Variants in SCD5 observed in about 807,000 individuals in gnomAD.
SCD5 encodes stearoyl-CoA desaturase 5.
In SCD5, 20 loss-of-function variants were observed where a neutral mutation model predicts 30.4. The ratio of observed to expected loss-of-function variants is 0.66; its 90% CI spans 0.46 to 0.96. The LOEUF (loss-of-function observed/expected upper bound fraction) is 0.96, where lower values mean the gene tolerates loss of function less well. SCD5 is among the 40% of genes least tolerant of loss of function. The pLI is 0.00. For missense variants in SCD5, 381 were observed against 443.3 expected (o/e 0.86, Z 1.26); for synonymous variants, 173 against 176.4 (o/e 0.98, Z 0.16).
At chr4:82,788,044 A>G (rs576787210) in intron 1 of SCD5, among the ~76,000 whole-genome samples, 5 of 152,206 alleles carry the variant, frequency 3.3e-5, no homozygotes, top group Non-Finnish European at 7.4e-5. Flanking sequence ...CAGACAATCA[A>G]TCAATCAATC....
chr4:82,771,742 A>C (rs1193187221), intron 1 of SCD5, among the ~76,000 whole-genome samples: 3 of 152,200 alleles, frequency 2.0e-5, no homozygotes, highest in African/African-American at 7.2e-5. Context: ...TAAATCCTTC[A>C]GGGACAAAAG....
At chr4:82,760,958 G>T (rs1721351608) in intron 1 of SCD5, among the ~76,000 whole-genome samples, 1 of 152,216 alleles carries the variant, frequency 6.6e-6, no homozygotes, top group African/African-American at 2.4e-5. Context: ...AAAATAAGCA[G>T]CTTGCCATTG....
At chr4:82,679,288 G>A (rs531982586) in intron 3 of SCD5, among the ~76,000 whole-genome samples, 2,947 of 138,450 alleles carry the variant, frequency 0.021, 152 homozygotes, top group Admixed American at 0.094. Context: ...AAGAAGGAAG[G>A]AAAGAAAGAA....
intron 4 of SCD5, among the ~76,000 whole-genome samples, chr4:82,635,896 C>T (rs1288973938): frequency 6.6e-6 from 1 of 152,138 alleles, no homozygotes; most frequent in East Asian, 1.9e-4. Flanking sequence ...CATTCCTTCC[C>T]ATGTCTTTGT....
At chr4:82,714,639 G>A (rs549502576) in intron 1 of SCD5, among the ~76,000 whole-genome samples, 5 of 152,254 alleles carry the variant, frequency 3.3e-5, no homozygotes, top group African/African-American at 9.6e-5. Flanking sequence ...CAGGCAAGGA[G>A]CCAGGTCTGG....
At chr4:82,729,942 C>T (rs1233097014) in intron 1 of SCD5, among the ~76,000 whole-genome samples, 1 of 152,116 alleles carries the variant, frequency 6.6e-6, no homozygotes, top group African/African-American at 2.4e-5. Flanking sequence ...CAACTTGCTG[C>T]CTTAGAAACT....
intron 3 of SCD5, among the ~76,000 whole-genome samples, chr4:82,652,538 A>G (rs1050245680): frequency 6.6e-6 from 1 of 152,198 alleles, no homozygotes; most frequent in Non-Finnish European, 1.5e-5. Context: ...TTACTAAGTC[A>G]ACTTCTCAGA....
chr4:82,764,213 T>C (rs80344895), intron 1 of SCD5, among the ~76,000 whole-genome samples: 2,194 of 151,904 alleles, frequency 0.014, 23 homozygotes, highest in Non-Finnish European at 0.019. Context: ...ACGAGCCACA[T>C]TTCAAGTGCT....
chr4:82,705,413 G>A lies in SCD5; in HGVS notation c.233C>T (p.Ala78Val). The A allele has an allele frequency of 4.3e-6, 7 of 1,614,178 alleles. No individual in the cohort carries two copies. The highest frequency in any genetic ancestry group is 4.2e-6 in the Non-Finnish European group (5 of 1,180,008). The stretch of plus-strand genomic sequence containing the variant: ...AGCGGCCAGGAGGAAGCAGAAGTAG[G>A]CTGCAAGACACAAGCAGGGACAACG... ...PKAKPLTLLW[A>V]YFCFLLAALG... The change falls in exon 2 of 5, where the codon GCC becomes GTC. Residue 78 changes from alanine (A) to valine (V), a missense_variant and splice_region_variant. Coordinates refer to ENST00000319540, the MANE Select transcript of SCD5 (RefSeq NM_001037582.3).
chr4:82,704,726 C>T lies in SCD5; in HGVS notation c.363+557G>A, dbSNP rs532684710. 1.6e-4 allele frequency among the ~76,000 whole-genome samples: 25 copies of T among 152,346 alleles called. No individual in the cohort carries two copies. The South Asian group carries it at 3.9e-3, about 24-fold the overall frequency. ...GTCTTCAAACTTCAGATGGAATAGT[C>T]TTTCCACCATGACCTCGCAGGGCAA... On this transcript the variant is annotated intron_variant, in intron 2 of 4. Coordinates refer to ENST00000319540, the MANE Select transcript of SCD5 (RefSeq NM_001037582.3).
Position 82,702,130 on chromosome 4 carries a change from C to CT in SCD5, c.363+3152dup, listed in dbSNP as rs10701664. ...TCAGGCATTCCTGCCCCATCATCATCTTTTTTTTTTTTTTTTTTTTTTTTT... is the reference window on the plus strand; with the variant it reads ...TCAGGCATTCCTGCCCCATCATCATCTTTTTTTTTTTTTTTTTTTTTTTTTT... On this transcript the variant is annotated intron_variant, in intron 2 of 4. Coordinates refer to ENST00000319540, the MANE Select transcript of SCD5 (RefSeq NM_001037582.3). Among the ~76,000 whole-genome samples the CT allele has an allele frequency of 1.5e-3, 94 of 64,092 alleles. 4 individuals carry two copies. Among genetic ancestry groups the CT allele is most frequent in the Non-Finnish European group, 1.6e-3 (58 of 36,308 alleles). 42.0% of individuals were successfully genotyped at this position (64,092 alleles called of 152,430 possible). A position where few individuals can be genotyped will look rare whatever the true frequency, so the allele number is the denominator to read the frequency against.
intron 3 of SCD5, among the ~76,000 whole-genome samples, chr4:82,657,947 TATCCTGAAAC>T (rs1281235387): frequency 5.3e-5 from 8 of 152,246 alleles, no homozygotes; most frequent in African/African-American, 1.9e-4. Context: ...ATTGATTTTG[TATCCTGAAAC>T]ATCGCTGAAG....
At position 82,752,092 on chromosome 4, in the gene SCD5, A is replaced by G. The variant is rs913632721; in HGVS notation, c.232+46214T>C. ...CTGCTTTAAAGCAAAAGAAATCCCC[A>G]TAAGTCTGTGGGCAGGAGAATCACC... On this transcript the variant is annotated intron_variant, in intron 1 of 4. Coordinates refer to ENST00000319540, the MANE Select transcript of SCD5 (RefSeq NM_001037582.3). Among the ~76,000 whole-genome samples the G allele has an allele frequency of 1.1e-4, 16 of 152,294 alleles. No homozygotes were observed. In the South Asian group the frequency reaches 3.1e-3, roughly 30 times the overall value.
intron 1 of SCD5, among the ~76,000 whole-genome samples, chr4:82,794,817 T>C (rs2148855364): frequency 6.6e-6 from 1 of 152,148 alleles, no homozygotes; most frequent in East Asian, 1.9e-4. Context: ...GCCCGGCTAA[T>C]TTTTGTATTT....
intron 1 of SCD5, among the ~76,000 whole-genome samples, chr4:82,788,163 C>A (rs972377941): frequency 6.6e-6 from 1 of 152,210 alleles, no homozygotes; most frequent in Non-Finnish European, 1.5e-5. Flanking sequence ...CCTTACCAGA[C>A]GCCAATCTAC....
chr4:82,669,941 C>T (rs1434176817), intron 3 of SCD5, among the ~76,000 whole-genome samples: 1 of 152,078 alleles, frequency 6.6e-6, no homozygotes, highest in Admixed American at 6.6e-5. Flanking sequence ...CTAAGAAACA[C>T]TTGTGGAGTC....
intron 2 of SCD5, chr4:82,692,011 ACT>A (rs1719529445): frequency 6.6e-6 from 1 of 150,762 alleles, no homozygotes; most frequent in Non-Finnish European, 1.5e-5. Flanking sequence ...TGATGGTGAA[ACT>A]CTGCCCTGAG....
chr4:82,762,089 G>T lies in SCD5; in HGVS notation c.232+36217C>A, dbSNP rs138042688. 1.5e-3 allele frequency among the ~76,000 whole-genome samples: 233 copies of T among 151,128 alleles called. 1 individual carries two copies. The highest frequency in any genetic ancestry group is 2.9e-3 in the Non-Finnish European group (196 of 67,752). ...CATGGGGGACAGAAGTGAGAGGATCGCTTGAGCCCAGGGAGTAGAGGCTGC... is the reference window on the plus strand; with the variant it reads ...CATGGGGGACAGAAGTGAGAGGATCTCTTGAGCCCAGGGAGTAGAGGCTGC... On this transcript the variant is annotated intron_variant, in intron 1 of 4. Transcript: ENST00000319540.
intron 1 of SCD5, among the ~76,000 whole-genome samples, chr4:82,763,761 CTG>C (rs1173843261): frequency 6.6e-6 from 1 of 152,244 alleles, no homozygotes; most frequent in Non-Finnish European, 1.5e-5. Flanking sequence ...GCCTCCAGAA[CTG>C]TGAGACACAT....
Sources: gnomAD v4.1 joint callset for allele counts (sites outside exome capture counted in the v4.1 genomes callset) on GRCh38, gnomAD v4.1.1 for gene constraint, MANE v1.5 for transcripts, NCBI Gene and HGNC (gene_info 2026-07-23, HGNC 2026-07-21) for gene names.